PLCD4: variants seen among roughly 807,000 people sequenced by gnomAD.
PLCD4 encodes phospholipase C delta 4, also known as 1-phosphatidylinositol 4,5-bisphosphate phosphodiesterase delta-4.
Under a neutral mutation model 90.2 loss-of-function variants are expected in PLCD4, and 63 were observed. The observed-to-expected ratio is 0.70, with a 90% CI of 0.57 to 0.86. PLCD4 has a LOEUF of 0.86. Among genes scored for constraint, PLCD4 ranks in the 40% least tolerant of loss-of-function variants. PLCD4 has a pLI of 0.00. For missense variants in PLCD4, 830 were observed against 956.3 expected (o/e 0.87, Z 1.74); for synonymous variants, 294 against 356.5 (o/e 0.82, Z 1.97).
intron 4 of PLCD4, 44 bp downstream of exon 4, chr2:218,618,851 A>C (rs945098119): frequency 1.5e-5 from 23 of 1,528,230 alleles, no homozygotes; most frequent in Non-Finnish European, 2.0e-5. Flanking sequence ...GGATCACGCT[A>C]TCCCTGAAGG....
chr2:218,615,927 C>T lies in PLCD4; in HGVS notation c.46C>T (p.Leu16=). 6.2e-7 allele frequency: 1 copy of T among 1,614,034 alleles called. No homozygotes were observed. Among genetic ancestry groups the T allele is most frequent in the Non-Finnish European group, 8.5e-7 (1 of 1,179,902 alleles). The change falls in exon 3 of 16, where the codon CTG becomes TTG. Residue 16 remains leucine (L), a synonymous_variant. Coordinates refer to ENST00000450993, the MANE Select transcript of PLCD4 (RefSeq NM_032726.4). ...AGAGCTGACCACTGATCAGGACTTG[C>T]TGCTGATGCAGGAAGGCATGCCGAT... ...QDQLTTDQDL[L]LMQEGMPMRK...
intron 4 of PLCD4, 40 bp from the exon 5 acceptor site, chr2:218,621,430 A>G: frequency 6.2e-7 from 1 of 1,603,182 alleles, no homozygotes; most frequent in Non-Finnish European, 8.5e-7. Context: ...CTGCACACAC[A>G]AACAGATACA....
At position 218,634,649 on chromosome 2, in the gene PLCD4, G is replaced by C; in HGVS notation, c.1896+19G>C. On this transcript the variant is annotated intron_variant, in intron 13 of 15. Transcript: ENST00000450993. This position sits in a 1 kb window ranked among gnomAD's most constrained non-coding sequence, Gnocchi z 4.0. ...AATCCAGGTACAGTGGAAATAAACT[G>C]TTGGGAAGAAACTGAGATAACTGGG... The C allele has an allele frequency of 6.2e-7, 1 of 1,610,266 alleles. No individual in the cohort carries two copies.
chr2:218,628,101 A>G lies in PLCD4; in HGVS notation c.845A>G (p.Asn282Ser). ...TGCTCTAAGGATGGAGACATCTTCA[A>G]CCCAGCCTGCCTCCCCATCTATCAG... ...YLCSKDGDIF[N>S]PACLPIYQDM... The change falls in exon 7 of 16, where the codon AAC becomes AGC. Residue 282 changes from asparagine (N) to serine (S), a missense_variant. By Grantham distance (46) the Asn-to-Ser change is conservative. Transcript: ENST00000450993. 1 of 1,613,956 alleles carries G rather than the reference A, an allele frequency of 6.2e-7. No individual in the cohort carries two copies. Among genetic ancestry groups the G allele is most frequent in the Non-Finnish European group, 8.5e-7 (1 of 1,179,870 alleles).
At chr2:218,633,869 T>A in intron 11 of PLCD4, 108 bp downstream of exon 11, 3 of 1,380,806 alleles carry the variant, frequency 2.2e-6, no homozygotes, top group Non-Finnish European at 2.0e-6. Flanking sequence ...TAAGGAGAGA[T>A]GAAGGAGTTC....
chr2:218,622,806 G>T lies in PLCD4; in HGVS notation c.700G>T (p.Glu234Ter), dbSNP rs1330864860. The T allele has an allele frequency of 5.6e-6, 9 of 1,614,022 alleles. No homozygotes were observed. Among genetic ancestry groups the T allele is most frequent in the Non-Finnish European group, 7.6e-6 (9 of 1,179,902 alleles). Residue 234 changes from glutamate to a stop codon, truncating the protein, a stop_gained, in exon 6 of 16, where the codon GAG becomes TAG. Coordinates refer to ENST00000450993, the MANE Select transcript of PLCD4 (RefSeq NM_032726.4). LOFTEE classifies it high-confidence loss of function. ...LLEFLDFLQEEQKERDCTSEL... is the reference protein window; with the variant it reads ...LLEFLDFLQE The stretch of plus-strand genomic sequence containing the variant: ...GGAATTTTTGGATTTCCTCCAAGAG[G>T]AGCAGAAGGAGAGAGACTGCACCTC...
At position 218,634,193 on chromosome 2, in the gene PLCD4, G is replaced by A. The variant is rs1696571224; in HGVS notation, c.1695G>A (p.Gln565=). 6.2e-7 allele frequency: 1 copy of A among 1,611,584 alleles called. No individual in the cohort carries two copies. The highest frequency in any genetic ancestry group is 8.5e-7 in the Non-Finnish European group (1 of 1,178,916). Residue 565 remains glutamine, a synonymous_variant, in exon 12 of 16, where the codon CAG becomes CAA. Coordinates refer to ENST00000450993, the MANE Select transcript of PLCD4 (RefSeq NM_032726.4). The surrounding 1 kb of genome is among the most constrained non-coding windows in gnomAD (Gnocchi z 4.0). ...LRTDSSNYNP[Q]ELWNAGCQMV... is the part of the protein sequence containing the mutation. The stretch of plus-strand genomic sequence containing the variant: ...CAGACTCTTCCAACTACAACCCCCA[G>A]GAACTCTGGAATGCAGGCTGCCAGA...
At chr2:218,623,079 T>C (rs1695955792) in intron 6 of PLCD4, among the ~76,000 whole-genome samples, 1 of 152,228 alleles carries the variant, frequency 6.6e-6, no homozygotes, top group Non-Finnish European at 1.5e-5. Flanking sequence ...GGGTTTCCTC[T>C]GAGGTGCTAG....
intron 10 of PLCD4, chr2:218,633,148 TTACA>T (rs2106161638): frequency 1.9e-6 from 1 of 530,374 alleles, no homozygotes; most frequent in East Asian, 3.2e-5. Flanking sequence ...CAGGTGTGAC[TTACA>T]TGACCATTTG....
At position 218,636,452 on chromosome 2, in the gene PLCD4, GTCC is replaced by G; in HGVS notation, c.2183-14_2183-12del. ...CAGCTCTGGCTGCCTTCCTAATGCTGTCCTCCTGCCCCTTCCAGGTTACCGCCA... is the reference window on the plus strand; with the variant it reads ...CAGCTCTGGCTGCCTTCCTAATGCTGTCCTGCCCCTTCCAGGTTACCGCCA... On this transcript the variant is annotated splice_polypyrimidine_tract_variant and intron_variant, in intron 15 of 15. Transcript: ENST00000450993. 1.2e-6 allele frequency: 2 copies of G among 1,613,970 alleles called. No homozygotes were observed. Among genetic ancestry groups the G allele is most frequent in the Non-Finnish European group, 1.7e-6 (2 of 1,179,886 alleles).
chr2:218,616,234 T>G (rs540957517), intron 3 of PLCD4, among the ~76,000 whole-genome samples, 172 bp downstream of exon 3: 31 of 152,218 alleles, frequency 2.0e-4, no homozygotes, highest in Non-Finnish European at 4.1e-4. Context: ...AAGGCTGTTA[T>G]GAGGATTAAA....
chr2:218,633,491 G>C lies in PLCD4; in HGVS notation c.1450-114G>C, dbSNP rs1432768631. On this transcript the variant is annotated intron_variant, in intron 10 of 15. Transcript: ENST00000450993. ...TCTCTTGTCCCGGCAGGTGAGGCAG[G>C]AGGGAGAATACAGTGGGGAGGCAGT... The C allele has an allele frequency of 2.4e-6, 3 of 1,248,260 alleles. No homozygotes were observed. In the Admixed American group the frequency reaches 5.4e-5, roughly 23 times the overall value. The allele number at this position is 1,248,260 out of a possible 1,614,324, so 77.3% of individuals were successfully genotyped here. A position where few individuals can be genotyped will look rare whatever the true frequency, so the allele number is the denominator to read the frequency against.
chr2:218,621,739 T>G (rs1695887925), intron 5 of PLCD4, 140 bp downstream of exon 5: 11 of 1,130,710 alleles, frequency 9.7e-6, no homozygotes. Flanking sequence ...TGCCCTAGGC[T>G]CAATGGGAAG....
chr2:218,630,911 G>A, intron 9 of PLCD4, 109 bp downstream of exon 9: 1 of 1,241,400 alleles, frequency 8.1e-7, no homozygotes, highest in South Asian at 1.6e-5. Context: ...TCCTCGGATG[G>A]ACCATCTTGC....
intron 6 of PLCD4, among the ~76,000 whole-genome samples, chr2:218,625,934 A>G (rs923460738): frequency 6.6e-6 from 1 of 151,928 alleles, no homozygotes; most frequent in African/African-American, 2.4e-5. Context: ...ACTCCATCTC[A>G]AAAACAAACC....
At chr2:218,627,061 G>A (rs1696147380) in intron 6 of PLCD4, among the ~76,000 whole-genome samples, 1 of 151,842 alleles carries the variant, frequency 6.6e-6, no homozygotes, top group Non-Finnish European at 1.5e-5. Context: ...AGACCATCCT[G>A]GCTAACACGG....
At chr2:218,611,309 T>TC (rs1695322433) in intron 1 of PLCD4, among the ~76,000 whole-genome samples, 1 of 152,058 alleles carries the variant, frequency 6.6e-6, no homozygotes. Context: ...AAAAAATAAT[T>TC]TTCTAAGGCA....
intron 4 of PLCD4, among the ~76,000 whole-genome samples, chr2:218,619,280 T>C (rs1304796412): frequency 6.6e-6 from 1 of 151,580 alleles, no homozygotes; most frequent in East Asian, 1.9e-4. Flanking sequence ...TATATATATA[T>C]ATATATATAT....
intron 10 of PLCD4, 77 bp downstream of exon 10, chr2:218,632,389 G>T: frequency 6.9e-7 from 1 of 1,447,778 alleles, no homozygotes; most frequent in Non-Finnish European, 9.2e-7. Context: ...GAAGACTAGA[G>T]CCGTGCAAGA....
Sources: gnomAD v4.1 joint callset for allele counts (sites outside exome capture counted in the v4.1 genomes callset) on GRCh38, gnomAD v4.1.1 for gene constraint, Gnocchi (gnomAD v3.1) non-coding constraint, MANE v1.5 for transcripts, NCBI Gene and HGNC (gene_info 2026-07-23, HGNC 2026-07-21) for gene names.